The following IQCM variants were observed in gnomAD, a reference collection of about 807,000 sequenced individuals.
The protein encoded by IQCM is IQ domain-containing protein M.
A neutral mutation model predicts 57.6 loss-of-function variants in IQCM; 45 were observed. The observed-to-expected ratio is 0.78, with a 90% CI of 0.62 to 1.00. IQCM has a LOEUF of 1.00. Among genes scored for constraint, IQCM ranks in the 50% least tolerant of loss-of-function variants. The pLI, the probability that IQCM is intolerant of heterozygous loss-of-function variation, is 0.00. For missense variants in IQCM, 468 were observed against 511.6 expected, an observed-to-expected ratio of 0.91 and a Z score of 0.82; for synonymous variants, 148 against 158.9, an observed-to-expected ratio of 0.93 and a Z score of 0.51.
intron 12 of IQCM, among the ~76,000 whole-genome samples, chr4:149,477,242 T>G (rs190245159): frequency 3.9e-5 from 6 of 152,310 alleles, no homozygotes; most frequent in Non-Finnish European, 7.4e-5. Context: ...TTGGAGCTTA[T>G]CTTAGACTAC....
Position 149,442,186 on chromosome 4 carries a change from TA to T in IQCM, c.1229-8630del, listed in dbSNP as rs548693283. Among the ~76,000 whole-genome samples, 38 of 152,286 alleles carry T rather than the reference TA, an allele frequency of 2.5e-4. 1 individual carries two copies. The highest frequency in any genetic ancestry group is 3.4e-3 in the Middle Eastern group (1 of 294). ...TCTTTTCAAAGAGCCTTTGTGTGACTAAATTCTCTTTTTGATCTTTCTGAGG... is the reference window on the plus strand; with the variant it reads ...TCTTTTCAAAGAGCCTTTGTGTGACTAATTCTCTTTTTGATCTTTCTGAGG... On this transcript the variant is annotated intron_variant, in intron 12 of 13. Transcript: ENST00000636793.
chr4:149,540,380 G>A (rs1747729766), intron 12 of IQCM, among the ~76,000 whole-genome samples: 1 of 150,928 alleles, frequency 6.6e-6, no homozygotes, highest in African/African-American at 2.4e-5. Flanking sequence ...AACCCCACAA[G>A]CTATGTCACT....
chr4:149,776,865 A>T (rs1359458925), intron 2 of IQCM, among the ~76,000 whole-genome samples: 1 of 147,172 alleles, frequency 6.8e-6, no homozygotes, highest in Non-Finnish European at 1.5e-5. Flanking sequence ...AATAATAAAA[A>T]ATCACTAAAA....
At chr4:149,406,959 G>A (rs901501704) in intron 13 of IQCM, among the ~76,000 whole-genome samples, 4 of 150,688 alleles carry the variant, frequency 2.7e-5, no homozygotes, top group African/African-American at 2.5e-5. Flanking sequence ...CATGGTGGCA[G>A]GCAAGATAGA....
chr4:149,609,404 T>C (rs1018531213), intron 8 of IQCM, among the ~76,000 whole-genome samples: 1 of 151,812 alleles, frequency 6.6e-6, no homozygotes, highest in Non-Finnish European at 1.5e-5. Flanking sequence ...GCCAGTATTA[T>C]GCTGATACAA....
At chr4:149,707,019 C>G (rs1764211144) in intron 5 of IQCM, among the ~76,000 whole-genome samples, 1 of 151,952 alleles carries the variant, frequency 6.6e-6, no homozygotes, top group Non-Finnish European at 1.5e-5. Flanking sequence ...TGTAGGAACA[C>G]AGTAGACTGA....
intron 2 of IQCM, among the ~76,000 whole-genome samples, chr4:149,784,706 G>A (rs1233564693): frequency 2.0e-5 from 3 of 152,058 alleles, no homozygotes; most frequent in African/African-American, 7.2e-5. Flanking sequence ...GAGCCACCGC[G>A]CCCGGCCTGA....
rs1005819418 is a variant in IQCM, at chr4:149,776,075, AG to A, written c.-48-33337del. On this transcript the variant is annotated intron_variant, in intron 2 of 13. Coordinates refer to ENST00000636793, the MANE Select transcript of IQCM (RefSeq NM_001363507.2). Reference sequence around the variant, plus strand: ...TTGAACACAAGAGTTTAAGGCTACAAGGAACTTTGATCATGCCACTACACTT... The same window carrying A: ...TTGAACACAAGAGTTTAAGGCTACAAGAACTTTGATCATGCCACTACACTT... 3.9e-4 allele frequency among the ~76,000 whole-genome samples: 59 copies of A among 152,146 alleles called. 1 individual carries two copies. Among genetic ancestry groups the A allele is most frequent in the Non-Finnish European group, 1.2e-4 (8 of 68,014 alleles).
At chr4:149,439,176 T>G (rs1351309390) in intron 12 of IQCM, among the ~76,000 whole-genome samples, 2 of 151,938 alleles carry the variant, frequency 1.3e-5, no homozygotes, top group Non-Finnish European at 2.9e-5. Context: ...CATTTTAGAG[T>G]AGAAAATTAG....
intron 7 of IQCM, among the ~76,000 whole-genome samples, chr4:149,678,827 A>G (rs1035013853): frequency 4.0e-5 from 6 of 151,742 alleles, no homozygotes; most frequent in Non-Finnish European, 8.9e-5. Flanking sequence ...CAAAACTACA[A>G]TGAAGTATGA....
chr4:149,685,167 CA>C (rs1000557192), intron 6 of IQCM, among the ~76,000 whole-genome samples: 25 of 151,406 alleles, frequency 1.7e-4, no homozygotes, highest in Non-Finnish European at 3.0e-5. Context: ...ATTATTCTGC[CA>C]TGGCTTACCA....
intron 7 of IQCM, among the ~76,000 whole-genome samples, chr4:149,645,783 T>A (rs574429639): frequency 6.6e-6 from 1 of 152,084 alleles, no homozygotes; most frequent in South Asian, 2.1e-4. Flanking sequence ...GACATCACAC[T>A]CCAGACCTCC....
chr4:149,462,615 T>C (rs1387099425), intron 12 of IQCM, among the ~76,000 whole-genome samples: 1 of 152,190 alleles, frequency 6.6e-6, no homozygotes, highest in Non-Finnish European at 1.5e-5. Context: ...TCTTTTCCTA[T>C]TTACCTTACA....
chr4:149,528,603 G>C (rs939805733), intron 12 of IQCM, among the ~76,000 whole-genome samples: 1 of 152,168 alleles, frequency 6.6e-6, no homozygotes, highest in Non-Finnish European at 1.5e-5. Flanking sequence ...AAGTAGGAGA[G>C]TAAATTAGGA....
Position 149,441,977 on chromosome 4 carries a change from AC to A in IQCM, c.1229-8421del, listed in dbSNP as rs144852831. ...GTAATCATAGATTAAGAAGGCCATC[AC>A]TTGTTGCTAGCACCTTGATCTTGGA... On this transcript the variant is annotated intron_variant, in intron 12 of 13. Transcript: ENST00000636793. Among the ~76,000 whole-genome samples the A allele has an allele frequency of 3.1e-3, 472 of 152,206 alleles. 6 individuals are homozygous for A. The highest frequency in any genetic ancestry group is 0.011 in the African/African-American group (453 of 41,548).
intron 9 of IQCM, among the ~76,000 whole-genome samples, chr4:149,567,559 G>A (rs1750751087): frequency 6.6e-6 from 1 of 151,966 alleles, no homozygotes; most frequent in Admixed American, 6.6e-5. Flanking sequence ...TGCTGGCCAG[G>A]TGGGTCTTAA....
At chr4:149,812,459 C>A (rs1350353308) in intron 2 of IQCM, among the ~76,000 whole-genome samples, 2 of 135,430 alleles carry the variant, frequency 1.5e-5, no homozygotes, top group Admixed American at 7.5e-5. Flanking sequence ...CCTTCTAGAT[C>A]TCTCTCTCTC....
chr4:149,527,265 T>C (rs1317147526), intron 12 of IQCM, among the ~76,000 whole-genome samples: 2 of 152,190 alleles, frequency 1.3e-5, no homozygotes. Context: ...TGAAGATGTG[T>C]TGCTTTATAT....
At chr4:149,635,620 T>A (rs1757651894) in intron 7 of IQCM, among the ~76,000 whole-genome samples, 1 of 152,206 alleles carries the variant, frequency 6.6e-6, no homozygotes, top group Non-Finnish European at 1.5e-5. Context: ...ATCATTAACT[T>A]ATCTATTTTG....
Sources: allele counts gnomAD v4.1 joint callset (sites outside exome capture counted in the v4.1 genomes callset), GRCh38; gene constraint gnomAD v4.1.1; transcripts MANE v1.5; gene names NCBI Gene and HGNC (gene_info 2026-07-23, HGNC 2026-07-21).